Variants in RAB27B observed in about 807,000 individuals in gnomAD.
The protein encoded by RAB27B is RAB27B, member RAS oncogene family, also known as ras-related protein Rab-27B.
RAB27B carries 15 observed loss-of-function variants against 24.6 expected under a neutral mutation model. That is an observed-to-expected ratio of 0.61 (90% CI 0.41 to 0.94). The LOEUF (loss-of-function observed/expected upper bound fraction) is 0.94, where lower values mean the gene tolerates loss of function less well. Ranked by LOEUF, RAB27B falls within the 40% of genes least tolerant of loss-of-function variation. The probability of loss-of-function intolerance (pLI) is 0.00; values close to 1 mark genes in which losing one functional copy is unlikely to be tolerated. For missense variants in RAB27B, 261 were observed against 266.8 expected (o/e 0.98, Z 0.15); for synonymous variants, 105 against 92.5 (o/e 1.14, Z -0.78).
intron 2 of RAB27B, among the ~76,000 whole-genome samples, chr18:54,723,164 A>G (rs919369077): frequency 6.6e-6 from 1 of 152,226 alleles, no homozygotes; most frequent in African/African-American, 2.4e-5. Flanking sequence ...GGAAAGAGCA[A>G]AGGCTCTTGC....
At chr18:54,877,818 T>C (rs1912768756) in intron 2 of RAB27B, 80 bp downstream of exon 2, 2 of 1,391,786 alleles carry the variant, frequency 1.4e-6, no homozygotes, top group South Asian at 1.5e-5. Flanking sequence ...GTTTATTGCA[T>C]TGGAGTCTGT....
At chr18:54,791,301 C>T (rs982541990) in intron 2 of RAB27B, among the ~76,000 whole-genome samples, 9 of 152,214 alleles carry the variant, frequency 5.9e-5, no homozygotes, top group Admixed American at 2.6e-4. Context: ...TGATTGGGTG[C>T]GGTGGCTTAT....
At chr18:54,764,727 C>G (rs1451425383) in intron 2 of RAB27B, among the ~76,000 whole-genome samples, 2 of 152,108 alleles carry the variant, frequency 1.3e-5, no homozygotes, top group East Asian at 1.9e-4. Context: ...TTTCCATTGT[C>G]CCTTTTATTT....
chr18:54,890,330 T>G lies in RAB27B; in HGVS notation c.*917T>G, dbSNP rs1438758052. ...ACATTTCATTTTTTCTTAGCACATG[T>G]TGATAAAATAGTCACAAGGAGAAAT... On this transcript the variant is annotated 3_prime_UTR_variant, in exon 6 of 6. Coordinates refer to ENST00000262094, the MANE Select transcript of RAB27B (RefSeq NM_004163.4). 2 of 152,160 alleles carry G rather than the reference T, an allele frequency of 1.3e-5. No homozygotes were observed. The highest frequency in any genetic ancestry group is 2.9e-5 in the Non-Finnish European group (2 of 68,000). The allele number at this position is 152,160 out of a possible 1,614,324, so 9.4% of individuals were successfully genotyped here.
At chr18:54,795,260 G>A (rs1283057070) in intron 2 of RAB27B, among the ~76,000 whole-genome samples, 1 of 148,356 alleles carries the variant, frequency 6.7e-6, no homozygotes, top group Admixed American at 6.7e-5. Flanking sequence ...CAGTTTTAAT[G>A]AGAATGTCTC....
At position 54,852,465 on chromosome 18, in the gene RAB27B, A is replaced by G. The variant is rs189212515; in HGVS notation, c.-20+23765A>G. ...AGAAACTCCTATTTTTAATTTGGAA[A>G]ATGGTTGAGAACAGCTGTTTCTGTT... On this transcript the variant is annotated intron_variant, in intron 1 of 5. Transcript: ENST00000262094. Among the ~76,000 whole-genome samples the G allele has an allele frequency of 1.7e-4, 26 of 152,326 alleles. No individual in the cohort carries two copies. In the East Asian group the frequency reaches 2.5e-3, roughly 15 times the overall value.
At chr18:54,792,177 C>G (rs1257155258) in intron 2 of RAB27B, among the ~76,000 whole-genome samples, 2 of 152,182 alleles carry the variant, frequency 1.3e-5, no homozygotes, top group African/African-American at 4.8e-5. Flanking sequence ...TCTTCAGGAG[C>G]TGGAAACATT....
chr18:54,859,070 T>A (rs1911905000), intron 1 of RAB27B, among the ~76,000 whole-genome samples: 1 of 152,168 alleles, frequency 6.6e-6, no homozygotes, highest in African/African-American at 2.4e-5. Flanking sequence ...TATTTTTTCC[T>A]GGCCAGGAGT....
At chr18:54,857,510 A>G (rs1013442472) in intron 1 of RAB27B, among the ~76,000 whole-genome samples, 3 of 152,266 alleles carry the variant, frequency 2.0e-5, no homozygotes, top group African/African-American at 7.2e-5. Flanking sequence ...TACAATTTGT[A>G]TTGTAAATTC....
intron 2 of RAB27B, among the ~76,000 whole-genome samples, chr18:54,785,776 A>C (rs551686977): frequency 6.6e-6 from 1 of 152,196 alleles, no homozygotes; most frequent in Non-Finnish European, 1.5e-5. Context: ...CCTAAGGATA[A>C]GGAGAAAATG....
chr18:54,881,058 A>G (rs1356861679), intron 3 of RAB27B, among the ~76,000 whole-genome samples: 2 of 152,180 alleles, frequency 1.3e-5, no homozygotes, highest in East Asian at 3.9e-4. Flanking sequence ...CTTAAAGGAT[A>G]CAAGGCACAG....
chr18:54,857,050 G>A (rs573051994), intron 1 of RAB27B, among the ~76,000 whole-genome samples: 12 of 152,118 alleles, frequency 7.9e-5, no homozygotes, highest in Non-Finnish European at 1.3e-4. Flanking sequence ...TACATGCAAA[G>A]GTTTCATAAA....
At chr18:54,773,093 T>C (rs1488037740) in intron 2 of RAB27B, among the ~76,000 whole-genome samples, 1 of 152,242 alleles carries the variant, frequency 6.6e-6, no homozygotes, top group African/African-American at 2.4e-5. Context: ...TTTTGGTTCA[T>C]TTGGCAAAGG....
intron 2 of RAB27B, among the ~76,000 whole-genome samples, chr18:54,817,526 G>T (rs1215029423): frequency 1.3e-5 from 2 of 152,084 alleles, no homozygotes; most frequent in Non-Finnish European, 2.9e-5. Flanking sequence ...AAACAGAATG[G>T]CTTTGTCGGA....
intron 2 of RAB27B, among the ~76,000 whole-genome samples, chr18:54,725,956 A>T (rs1377024400): frequency 2.0e-5 from 3 of 151,660 alleles, no homozygotes; most frequent in African/African-American, 7.3e-5. Context: ...AACCAGCTGC[A>T]TAATAAAGTG....
chr18:54,760,303 G>C (rs1160709103), intron 2 of RAB27B, among the ~76,000 whole-genome samples: 1 of 152,142 alleles, frequency 6.6e-6, no homozygotes, highest in Non-Finnish European at 1.5e-5. Context: ...TCTCACTTCA[G>C]ATGTAAATTC....
At chr18:54,883,604 A>G (rs980456664) in intron 3 of RAB27B, among the ~76,000 whole-genome samples, 1 of 152,108 alleles carries the variant, frequency 6.6e-6, no homozygotes, top group African/African-American at 2.4e-5. Flanking sequence ...GGGTGAGGGC[A>G]TGGAAAGCTG....
At chr18:54,759,771 G>A (rs1908124337) in intron 2 of RAB27B, among the ~76,000 whole-genome samples, 1 of 152,144 alleles carries the variant, frequency 6.6e-6, no homozygotes, top group African/African-American at 2.4e-5. Flanking sequence ...GCTGGGTGTT[G>A]GAGAGGAGCA....
At chr18:54,795,966 C>T (rs1016484911) in intron 2 of RAB27B, among the ~76,000 whole-genome samples, 6 of 152,134 alleles carry the variant, frequency 3.9e-5, no homozygotes, top group Admixed American at 3.9e-4. Flanking sequence ...AACATGTATA[C>T]ACCCGTGAAG....
Sources: gnomAD v4.1 joint callset for allele counts (sites outside exome capture counted in the v4.1 genomes callset) on GRCh38, gnomAD v4.1.1 for gene constraint, MANE v1.5 for transcripts, NCBI Gene and HGNC (gene_info 2026-07-23, HGNC 2026-07-21) for gene names.